The following SOBP variants were observed in gnomAD, a reference collection of about 807,000 sequenced individuals.
The protein encoded by SOBP is sine oculis binding protein homolog.
SOBP carries 4 observed loss-of-function variants against 53.6 expected under a neutral mutation model. That is an observed-to-expected ratio of 0.07 (90% CI 0.04 to 0.17). SOBP has a LOEUF of 0.17. SOBP is among the 10% of genes least tolerant of loss of function. SOBP has a pLI of 1.00. For synonymous variants in SOBP, 584 were observed against 522.6 expected, an observed-to-expected ratio of 1.12 and a Z score of -1.60; for missense variants, 1,088 against 1,204.7, an observed-to-expected ratio of 0.90 and a Z score of 1.43.
chr6:107,591,698 A>G (rs749819606), intron 5 of SOBP, among the ~76,000 whole-genome samples: 1 of 152,206 alleles, frequency 6.6e-6, no homozygotes, highest in Non-Finnish European at 1.5e-5. Context: ...ACACTATCCT[A>G]TCGAGTCTGG....
At chr6:107,646,510 G>A (rs936381958) in intron 6 of SOBP, among the ~76,000 whole-genome samples, 11 of 152,196 alleles carry the variant, frequency 7.2e-5, no homozygotes, top group African/African-American at 2.7e-4. Flanking sequence ...TTGCAGCAGC[G>A]GACTTCACGA....
chr6:107,558,923 T>C (rs149038859), intron 4 of SOBP, among the ~76,000 whole-genome samples: 1 of 152,224 alleles, frequency 6.6e-6, no homozygotes, highest in Non-Finnish European at 1.5e-5. Context: ...CTACTAGATA[T>C]TGTATATTTT....
intron 5 of SOBP, among the ~76,000 whole-genome samples, chr6:107,614,894 T>C (rs1359204787): frequency 6.6e-6 from 1 of 152,234 alleles, no homozygotes; most frequent in Non-Finnish European, 1.5e-5. Context: ...TTGACGTAAA[T>C]TTCTGAAATA....
chr6:107,500,582 C>T (rs866731728), intron 1 of SOBP, among the ~76,000 whole-genome samples: 36 of 151,580 alleles, frequency 2.4e-4, no homozygotes, highest in African/African-American at 6.5e-4. Context: ...AGTGCAGTGG[C>T]GCGATCTCGG....
At chr6:107,609,074 A>G (rs2115098063) in intron 5 of SOBP, among the ~76,000 whole-genome samples, 1 of 152,322 alleles carries the variant, frequency 6.6e-6, no homozygotes, top group Non-Finnish European at 1.5e-5. Flanking sequence ...ATGAGGCCAG[A>G]CTGTTGTCAC....
At chr6:107,600,883 T>A (rs1786154374) in intron 5 of SOBP, among the ~76,000 whole-genome samples, 1 of 152,244 alleles carries the variant, frequency 6.6e-6, no homozygotes, top group African/African-American at 2.4e-5. Flanking sequence ...TGAAATGAAC[T>A]CGATTTTTAC....
At chr6:107,547,465 C>A (rs1489582900) in intron 4 of SOBP, among the ~76,000 whole-genome samples, 1 of 152,178 alleles carries the variant, frequency 6.6e-6, no homozygotes, top group East Asian at 1.9e-4. Flanking sequence ...TCTTCTTGAA[C>A]CTGATTTTTA....
rs765671401 is a variant in SOBP at position 107,634,346 on chromosome 6, T to C, written c.1502T>C (p.Met501Thr). ...PPVSMMPNGP[M>T]PVPQMMNFGL... ...GTGAGCATGATGCCAAATGGCCCGATGCCGGTGCCCCAGATGATGAATTTC... is the reference window on the plus strand; with the variant it reads ...GTGAGCATGATGCCAAATGGCCCGACGCCGGTGCCCCAGATGATGAATTTC... Residue 501 changes from methionine (M) to threonine (T), a missense_variant, in exon 6 of 7, where the codon ATG becomes ACG. This residue lies in a region of SOBP where 665 missense variants were observed against 629.7 expected (regional missense o/e 1.06). Transcript: ENST00000317357. The surrounding 1 kb of genome is among the most constrained non-coding windows in gnomAD (Gnocchi z 4.5). 5 of 1,590,320 alleles carry C rather than the reference T, an allele frequency of 3.1e-6. No individual in the cohort carries two copies. In the South Asian group the frequency reaches 5.6e-5, roughly 18 times the overall value.
intron 4 of SOBP, among the ~76,000 whole-genome samples, chr6:107,561,544 G>A (rs1324489716): frequency 6.6e-6 from 1 of 152,160 alleles, no homozygotes; most frequent in African/African-American, 2.4e-5. Flanking sequence ...GCCGGGCTGG[G>A]CTGGGCCATT....
intron 4 of SOBP, chr6:107,558,277 T>A (rs889362845): frequency 1.3e-5 from 2 of 151,944 alleles, no homozygotes; most frequent in African/African-American, 4.8e-5. Context: ...GTTCTTTTTT[T>A]TCCCCCCCCG....
chr6:107,656,748 G>T (rs982536512), intron 6 of SOBP, among the ~76,000 whole-genome samples: 2 of 152,114 alleles, frequency 1.3e-5, no homozygotes, highest in Admixed American at 1.3e-4. Context: ...AACACTCCAA[G>T]CAAGCTTCCA....
chr6:107,534,822 T>A (rs1783945039), intron 4 of SOBP, among the ~76,000 whole-genome samples: 1 of 152,174 alleles, frequency 6.6e-6, no homozygotes, highest in Non-Finnish European at 1.5e-5. Flanking sequence ...AAGTTCACTT[T>A]CCCCTGGGAG....
intron 6 of SOBP, among the ~76,000 whole-genome samples, chr6:107,652,562 T>G (rs1028505362): frequency 1.1e-4 from 17 of 152,228 alleles, no homozygotes; most frequent in Non-Finnish European, 1.5e-5. Context: ...GGATTTAGAC[T>G]ATTCCATAAA....
At chr6:107,505,749 C>G (rs934470514) in intron 2 of SOBP, among the ~76,000 whole-genome samples, 1 of 152,194 alleles carries the variant, frequency 6.6e-6, no homozygotes, top group African/African-American at 2.4e-5. Context: ...CTCGCAGATT[C>G]AAGTGATTCT....
chr6:107,537,886 C>G (rs2114993828), intron 4 of SOBP, among the ~76,000 whole-genome samples: 1 of 150,264 alleles, frequency 6.7e-6, no homozygotes, highest in Middle Eastern at 3.5e-3. Flanking sequence ...CCCAGCAGAT[C>G]ACAGTGGGAA....
In SOBP at chr6:107,654,530, A is replaced by G. The variant is rs1000631013; in HGVS notation, c.*4-3677A>G. ...TCCAGAAGTTCATGGGCTTCCTTGT[A>G]TACTGGTAACAGATTAATATTCAGT... On this transcript the variant is annotated intron_variant, in intron 6 of 6. Transcript: ENST00000317357. 4.1e-4 allele frequency among the ~76,000 whole-genome samples: 62 copies of G among 152,242 alleles called. 1 individual carries two copies. The highest frequency in any genetic ancestry group is 3.8e-3 in the Admixed American group (58 of 15,294).
At chr6:107,613,239 A>AAGTG (rs1786663313) in intron 5 of SOBP, among the ~76,000 whole-genome samples, 1 of 152,228 alleles carries the variant, frequency 6.6e-6, no homozygotes, top group East Asian at 1.9e-4. Flanking sequence ...TCAAGGCTGT[A>AAGTG]GCCACTTACA....
intron 6 of SOBP, among the ~76,000 whole-genome samples, chr6:107,638,789 T>G (rs907445137): frequency 6.6e-6 from 1 of 152,140 alleles, no homozygotes; most frequent in Non-Finnish European, 1.5e-5. Flanking sequence ...ATTTCTCATA[T>G]ATATTCATTA....
chr6:107,606,045 CAT>C (rs1786362602), intron 5 of SOBP, among the ~76,000 whole-genome samples: 2 of 143,872 alleles, frequency 1.4e-5, no homozygotes, highest in Admixed American at 1.4e-4. Flanking sequence ...CATTGAGAAA[CAT>C]ATTGTGTAGA....
Sources: allele counts gnomAD v4.1 joint callset (sites outside exome capture counted in the v4.1 genomes callset), GRCh38; gene constraint gnomAD v4.1.1; regional missense constraint gnomAD v4.1.1; non-coding constraint Gnocchi (gnomAD v3.1); transcripts MANE v1.5; gene names NCBI Gene and HGNC (gene_info 2026-07-23, HGNC 2026-07-21).